The following MAST4 variants were observed in gnomAD, a reference collection of about 807,000 sequenced individuals.
The protein encoded by MAST4 is microtubule-associated serine/threonine-protein kinase 4.
A neutral mutation model predicts 162.7 loss-of-function variants in MAST4; 89 were observed. The observed-to-expected ratio is 0.55, with a 90% CI of 0.46 to 0.65. The LOEUF is 0.65. MAST4 is among the 30% of genes least tolerant of loss of function. The pLI, the probability that MAST4 is intolerant of heterozygous loss-of-function variation, is 0.00. For missense variants in MAST4, 3,153 were observed against 3,374.0 expected (o/e 0.93, Z 1.62); for synonymous variants, 1,479 against 1,361.1 (o/e 1.09, Z -1.91).
intron 1 of MAST4, among the ~76,000 whole-genome samples, chr5:66,657,678 C>A (rs1032892245): frequency 6.6e-6 from 1 of 152,104 alleles, no homozygotes; most frequent in African/African-American, 2.4e-5. Flanking sequence ...AAGTTTAATA[C>A]CCATTCAGCT....
chr5:67,156,369 T>C (rs779669444), intron 26 of MAST4, among the ~76,000 whole-genome samples: 2 of 152,334 alleles, frequency 1.3e-5, no homozygotes, highest in Middle Eastern at 6.8e-3. Flanking sequence ...ACATGTGTGC[T>C]GTACATACTC....
intron 1 of MAST4, among the ~76,000 whole-genome samples, chr5:66,692,543 C>T (rs1749118574): frequency 6.6e-6 from 1 of 152,072 alleles, no homozygotes; most frequent in Admixed American, 6.6e-5. Flanking sequence ...GGGCTTCCGT[C>T]CTTTGAATAT....
At chr5:66,742,760 T>G (rs1375524637) in intron 1 of MAST4, among the ~76,000 whole-genome samples, 1 of 152,186 alleles carries the variant, frequency 6.6e-6, no homozygotes, top group Admixed American at 6.5e-5. Context: ...AGAGTTTTCT[T>G]CTGGCAAGCG....
At chr5:66,946,040 C>T (rs983222408) in intron 4 of MAST4, among the ~76,000 whole-genome samples, 2 of 152,100 alleles carry the variant, frequency 1.3e-5, no homozygotes, top group African/African-American at 4.8e-5. Flanking sequence ...AGTTCTCTCA[C>T]GTTCTTCCTG....
At chr5:66,672,667 A>G (rs1384282153) in intron 1 of MAST4, among the ~76,000 whole-genome samples, 2 of 152,048 alleles carry the variant, frequency 1.3e-5, no homozygotes, top group East Asian at 1.9e-4. Flanking sequence ...TGATGCATCC[A>G]CTGCAGTTTA....
intron 4 of MAST4, among the ~76,000 whole-genome samples, chr5:66,921,554 C>T (rs966703790): frequency 1.3e-5 from 2 of 152,182 alleles, no homozygotes; most frequent in African/African-American, 4.8e-5. Flanking sequence ...CTTAGGAATT[C>T]GAGACCAGCC....
chr5:66,796,086 A>G (rs1321346782), intron 3 of MAST4, among the ~76,000 whole-genome samples: 4 of 152,242 alleles, frequency 2.6e-5, no homozygotes, highest in African/African-American at 9.6e-5. Context: ...AAATCTCATT[A>G]TAGGCTCACC....
chr5:66,701,924 T>C (rs534261537), intron 1 of MAST4, among the ~76,000 whole-genome samples: 1 of 152,366 alleles, frequency 6.6e-6, no homozygotes, highest in Admixed American at 6.5e-5. Context: ...GAAAATTAAA[T>C]TCATATATAG....
At chr5:66,974,995 G>GA (rs1003971356) in intron 4 of MAST4, among the ~76,000 whole-genome samples, 2 of 152,014 alleles carry the variant, frequency 1.3e-5, no homozygotes, top group African/African-American at 4.8e-5. Flanking sequence ...CCTTACTTAG[G>GA]AAAAAAGGAG....
chr5:66,659,987 A>T (rs758668428), intron 1 of MAST4, among the ~76,000 whole-genome samples: 1 of 151,996 alleles, frequency 6.6e-6, no homozygotes, highest in African/African-American at 2.4e-5. Context: ...GAAGACATAG[A>T]GATGTGGTTC....
rs892427598 is a variant in MAST4, at chr5:66,788,741, C to G, written c.589C>G (p.Arg197Gly). The change falls in exon 3 of 29, where the codon CGC becomes GGC. Residue 197 changes from arginine (R) to glycine (G), a missense_variant. Arg to Gly is a moderately radical substitution (Grantham distance 125, BLOSUM62 -2). Coordinates refer to ENST00000403625, the MANE Select transcript of MAST4 (RefSeq NM_001164664.2). The stretch of plus-strand genomic sequence containing the variant: ...CTCTGCAGAGACGTCCAACCTCGTG[C>G]GCATGCGCAGCCAGGCCCTGGGCCA... The part of the protein sequence containing the change: ...PASAETSNLV[R>G]MRSQALGQSA... 4.3e-6 allele frequency: 7 copies of G among 1,612,664 alleles called. No individual in the cohort carries two copies. The highest frequency in any genetic ancestry group is 5.9e-6 in the Non-Finnish European group (7 of 1,179,230).
At chr5:66,631,468 CAT>C (rs1744789631) in intron 1 of MAST4, among the ~76,000 whole-genome samples, 5 of 152,066 alleles carry the variant, frequency 3.3e-5, no homozygotes, top group African/African-American at 1.2e-4. Context: ...AGGTAAGACA[CAT>C]ATACACACGA....
intron 5 of MAST4, 81 bp downstream of exon 5, chr5:67,054,573 T>C: frequency 8.1e-7 from 1 of 1,234,940 alleles, no homozygotes; most frequent in Non-Finnish European, 1.1e-6. Flanking sequence ...TTTTGATATT[T>C]GGTATGTCTT....
intron 4 of MAST4, among the ~76,000 whole-genome samples, chr5:67,043,156 C>A (rs796649656): frequency 2.6e-4 from 39 of 152,174 alleles, no homozygotes; most frequent in African/African-American, 9.4e-4. Flanking sequence ...GGAAGAGACC[C>A]TTTTATTTTT....
intron 4 of MAST4, among the ~76,000 whole-genome samples, chr5:67,029,305 G>C (rs1419744579): frequency 2.0e-5 from 3 of 152,136 alleles, no homozygotes; most frequent in African/African-American, 7.2e-5. Context: ...GGGATGGGGA[G>C]ACAATTTGTA....
chr5:66,846,541 A>G (rs918443714), intron 3 of MAST4, among the ~76,000 whole-genome samples: 1 of 152,184 alleles, frequency 6.6e-6, no homozygotes, highest in Non-Finnish European at 1.5e-5. Flanking sequence ...GTTTGTTGCT[A>G]TAGATTAATG....
chr5:66,792,266 C>G (rs1580461036), intron 3 of MAST4: 1 of 167,882 alleles, frequency 6.0e-6, no homozygotes, highest in East Asian at 1.9e-4. Context: ...TGCTGATGAT[C>G]CTCTCCTCCT....
intron 4 of MAST4, among the ~76,000 whole-genome samples, chr5:66,977,524 G>T (rs972757457): frequency 2.6e-5 from 4 of 152,100 alleles, no homozygotes; most frequent in Non-Finnish European, 5.9e-5. Flanking sequence ...TACACATTTG[G>T]GGGGAAAAGA....
chr5:66,753,022 G>A (rs1753285888), intron 1 of MAST4, among the ~76,000 whole-genome samples: 5 of 150,938 alleles, frequency 3.3e-5, no homozygotes, highest in Admixed American at 1.3e-4. Context: ...CAACTACATG[G>A]AAACTGAACA....
Sources: allele counts gnomAD v4.1 joint callset (sites outside exome capture counted in the v4.1 genomes callset), GRCh38; gene constraint gnomAD v4.1.1; transcripts MANE v1.5; gene names NCBI Gene and HGNC (gene_info 2026-07-23, HGNC 2026-07-21).